Variants in TMEM132D observed in about 807,000 individuals in gnomAD.
TMEM132D encodes transmembrane protein 132D.
Under a neutral mutation model 62.3 loss-of-function variants are expected in TMEM132D, and 21 were observed. That is an observed-to-expected ratio of 0.34 (90% CI 0.24 to 0.49). The LOEUF is 0.49. TMEM132D is among the 20% of genes least tolerant of loss of function. TMEM132D has a pLI of 0.99. For synonymous variants in TMEM132D, 621 were observed against 575.6 expected (o/e 1.08, Z -1.13); for missense variants, 1,346 against 1,402.8 (o/e 0.96, Z 0.65).
intron 4 of TMEM132D, among the ~76,000 whole-genome samples, chr12:129,296,104 A>T (rs1009968246): frequency 5.3e-5 from 8 of 151,974 alleles, no homozygotes; most frequent in African/African-American, 1.9e-4. Context: ...ATATATACAT[A>T]TGTATATTAA....
rs183543946 is a variant in TMEM132D, at chr12:129,451,014, A to G, written c.1115+80045T>C. Among the ~76,000 whole-genome samples, 18 of 152,048 alleles carry G rather than the reference A, an allele frequency of 1.2e-4. No individual in the cohort carries two copies. In the East Asian group the frequency reaches 3.1e-3, roughly 26 times the overall value. ...CCTGACCTCGTGATCCACCCTCCTC[A>G]GCCTCCCAAAGTGCTGGGATTACAG... On this transcript the variant is annotated intron_variant, in intron 3 of 8. Transcript: ENST00000422113.
intron 4 of TMEM132D, among the ~76,000 whole-genome samples, chr12:129,220,785 G>A (rs757017102): frequency 7.9e-5 from 12 of 151,598 alleles, no homozygotes; most frequent in Admixed American, 1.3e-4. Context: ...GTGAATTTAC[G>A]TTTCATGGAA....
chr12:129,484,897 TG>T (rs1189982691), intron 3 of TMEM132D, among the ~76,000 whole-genome samples: 1 of 152,204 alleles, frequency 6.6e-6, no homozygotes, highest in Non-Finnish European at 1.5e-5. Flanking sequence ...ATGACATTTA[TG>T]GGTTCTTACT....
At chr12:129,343,273 G>A (rs1869559011) in intron 3 of TMEM132D, among the ~76,000 whole-genome samples, 1 of 152,146 alleles carries the variant, frequency 6.6e-6, no homozygotes, top group Non-Finnish European at 1.5e-5. Context: ...CATGTCCTTT[G>A]TAGGGACATG....
At chr12:129,605,455 T>C (rs891285566) in intron 2 of TMEM132D, among the ~76,000 whole-genome samples, 6 of 151,832 alleles carry the variant, frequency 4.0e-5, no homozygotes, top group Admixed American at 2.6e-4. Flanking sequence ...AATGGTCTCG[T>C]CTGATCTTAT....
chr12:129,571,637 C>A (rs1331901339), intron 2 of TMEM132D, among the ~76,000 whole-genome samples: 6 of 151,946 alleles, frequency 3.9e-5, no homozygotes, highest in Non-Finnish European at 7.4e-5. Context: ...AGAGGAGACA[C>A]AAACAGCAGA....
intron 3 of TMEM132D, among the ~76,000 whole-genome samples, chr12:129,464,652 G>A (rs1460446205): frequency 3.3e-5 from 5 of 152,104 alleles, no homozygotes; most frequent in East Asian, 1.9e-4. Flanking sequence ...TTTTGTATAA[G>A]GTGTAAGGAA....
intron 1 of TMEM132D, among the ~76,000 whole-genome samples, chr12:129,721,554 C>A (rs1175038315): frequency 2.0e-5 from 3 of 152,134 alleles, no homozygotes; most frequent in Non-Finnish European, 4.4e-5. Context: ...GTGCTGCTGG[C>A]GCTCTAGGTG....
At chr12:129,496,414 A>G (rs1874958030) in intron 3 of TMEM132D, among the ~76,000 whole-genome samples, 1 of 152,100 alleles carries the variant, frequency 6.6e-6, no homozygotes, top group South Asian at 2.1e-4. Context: ...TGAAGAAAGA[A>G]ATGTTTGGCT....
chr12:129,366,706 T>A (rs941259610), intron 3 of TMEM132D, among the ~76,000 whole-genome samples: 7 of 152,172 alleles, frequency 4.6e-5, no homozygotes, highest in Admixed American at 4.6e-4. Flanking sequence ...GGTCTTCTGG[T>A]GTGAAAGGAG....
In TMEM132D at chr12:129,787,757, T is replaced by G. The variant is rs531987145; in HGVS notation, c.80-87059A>C. On this transcript the variant is annotated intron_variant, in intron 1 of 8. Coordinates refer to ENST00000422113, the MANE Select transcript of TMEM132D (RefSeq NM_133448.3). Reference sequence around the variant, plus strand: ...AAGTAGAGGCCACCAGGGCAAAGAGTGGGCATGAGGACCACACCAGATGCC... The same window carrying G: ...AAGTAGAGGCCACCAGGGCAAAGAGGGGGCATGAGGACCACACCAGATGCC... Among the ~76,000 whole-genome samples the G allele has an allele frequency of 7.1e-4, 108 of 151,572 alleles. 1 individual carries two copies. Among genetic ancestry groups the G allele is most frequent in the Middle Eastern group, 6.9e-3 (2 of 290 alleles).
intron 2 of TMEM132D, among the ~76,000 whole-genome samples, chr12:129,641,474 C>A (rs960604700): frequency 6.6e-6 from 1 of 152,210 alleles, no homozygotes; most frequent in Non-Finnish European, 1.5e-5. Context: ...CTGAAAGCAA[C>A]AGAAGGCTGC....
intron 3 of TMEM132D, among the ~76,000 whole-genome samples, chr12:129,401,687 G>A (rs2135700543): frequency 6.6e-6 from 1 of 152,306 alleles, no homozygotes; most frequent in South Asian, 2.1e-4. Context: ...GGAAGTGAAA[G>A]CACAGAGAGG....
At chr12:129,609,142 A>G (rs1157021298) in intron 2 of TMEM132D, among the ~76,000 whole-genome samples, 1 of 151,806 alleles carries the variant, frequency 6.6e-6, no homozygotes, top group Admixed American at 6.6e-5. Context: ...ACGGGATTTC[A>G]CCATCTTGGT....
At chr12:129,739,014 G>T (rs1291418763) in intron 1 of TMEM132D, among the ~76,000 whole-genome samples, 2 of 152,188 alleles carry the variant, frequency 1.3e-5, no homozygotes, top group Non-Finnish European at 2.9e-5. Flanking sequence ...CATGGGGCCA[G>T]AGACTGTTCC....
chr12:129,312,522 C>G (rs555023506), intron 4 of TMEM132D, among the ~76,000 whole-genome samples: 1 of 152,196 alleles, frequency 6.6e-6, no homozygotes. Flanking sequence ...TTTTTGTACA[C>G]CTGCTGTATA....
intron 4 of TMEM132D, among the ~76,000 whole-genome samples, chr12:129,322,031 T>A (rs1868735739): frequency 6.6e-6 from 1 of 152,132 alleles, no homozygotes; most frequent in Non-Finnish European, 1.5e-5. Context: ...GAGTCAGACA[T>A]CCATTTTAGT....
intron 2 of TMEM132D, among the ~76,000 whole-genome samples, chr12:129,653,548 G>A (rs1028618220): frequency 5.3e-5 from 8 of 152,154 alleles, no homozygotes; most frequent in East Asian, 1.9e-4. Flanking sequence ...AACCAGCAGC[G>A]ACTTCAGCAT....
At chr12:129,432,214 G>C (rs1172587103) in intron 3 of TMEM132D, among the ~76,000 whole-genome samples, 1 of 150,426 alleles carries the variant, frequency 6.6e-6, no homozygotes, top group Non-Finnish European at 1.5e-5. Context: ...TGCATGGATG[G>C]ATGGATGCTT....
Sources: gnomAD v4.1 joint callset for allele counts (sites outside exome capture counted in the v4.1 genomes callset) on GRCh38, gnomAD v4.1.1 for gene constraint, MANE v1.5 for transcripts, NCBI Gene and HGNC (gene_info 2026-07-23, HGNC 2026-07-21) for gene names.